Variants in PAK1 observed in about 807,000 individuals in gnomAD.
The protein encoded by PAK1 is serine/threonine-protein kinase PAK 1.
PAK1 carries 29 observed loss-of-function variants against 67.4 expected under a neutral mutation model. The observed-to-expected ratio is 0.43, with a 90% CI of 0.32 to 0.59. PAK1 has a LOEUF of 0.59. Among genes scored for constraint, PAK1 ranks in the 20% least tolerant of loss-of-function variants. PAK1 has a pLI of 0.07. For missense variants in PAK1, 337 were observed against 670.7 expected (o/e 0.50, Z 5.50); for synonymous variants, 223 against 237.4 (o/e 0.94, Z 0.56).
chr11:77,367,088 A>G (rs1947695829), intron 5 of PAK1, among the ~76,000 whole-genome samples: 1 of 152,240 alleles, frequency 6.6e-6, no homozygotes, highest in Non-Finnish European at 1.5e-5. Context: ...GCAAAACACA[A>G]AAGACTACAT....
chr11:77,463,930 C>G (rs1318091303), intron 1 of PAK1, among the ~76,000 whole-genome samples: 1 of 152,106 alleles, frequency 6.6e-6, no homozygotes, highest in Non-Finnish European at 1.5e-5. Flanking sequence ...TATGTAATCT[C>G]AAATTTTCTA....
chr11:77,429,987 A>C (rs976549755), intron 1 of PAK1, among the ~76,000 whole-genome samples: 1 of 152,232 alleles, frequency 6.6e-6, no homozygotes. Flanking sequence ...TTTTAATAAA[A>C]ACAAAACAGA....
chr11:77,474,401 G>A (rs976936945), upstream of PAK1: 2 of 152,202 alleles, frequency 1.3e-5, no homozygotes, highest in African/African-American at 4.8e-5. Context: ...CGCTTGCTGC[G>A]TGACGTCATC....
At chr11:77,518,761 C>A in the PAK1 span, among the ~76,000 whole-genome samples, 1 of 152,170 alleles carries the variant, frequency 6.6e-6, no homozygotes, top group Non-Finnish European at 1.5e-5. Flanking sequence ...TTTGCAGTAA[C>A]TTTTCCCATT....
At chr11:77,519,628 G>GT in the PAK1 span, among the ~76,000 whole-genome samples, 11 of 152,024 alleles carry the variant, frequency 7.2e-5, no homozygotes, top group Non-Finnish European at 8.8e-5. Flanking sequence ...CAAAATGCTG[G>GT]TTTTTTTTTC....
At chr11:77,477,743 A>C (rs1958075059), upstream of PAK1, among the ~76,000 whole-genome samples, 2 of 151,894 alleles carry the variant, frequency 1.3e-5, no homozygotes, top group African/African-American at 4.8e-5. Flanking sequence ...CGACAGAGTG[A>C]GACCTTGTTT....
chr11:77,455,839 AC>A (rs2135435330), intron 1 of PAK1: 1 of 152,216 alleles, frequency 6.6e-6, no homozygotes, highest in East Asian at 1.9e-4. Flanking sequence ...GTTATCCACT[AC>A]CTCCATGAAG....
chr11:77,406,315 C>G (rs143449040), intron 1 of PAK1, among the ~76,000 whole-genome samples: 1 of 152,188 alleles, frequency 6.6e-6, no homozygotes, highest in East Asian at 1.9e-4. Flanking sequence ...CAAGACCAAA[C>G]GGAACTCTTG....
intron 1 of PAK1, among the ~76,000 whole-genome samples, chr11:77,413,865 G>C (rs1389202748): frequency 6.6e-6 from 1 of 152,092 alleles, no homozygotes; most frequent in Non-Finnish European, 1.5e-5. Flanking sequence ...TTTACACAGG[G>C]TGAATGAGAG....
intron 9 of PAK1, among the ~76,000 whole-genome samples, chr11:77,346,360 C>T (rs1284358097): frequency 2.0e-5 from 3 of 152,190 alleles, no homozygotes; most frequent in African/African-American, 4.8e-5. Context: ...GATAGCATTC[C>T]TGTAACAGAA....
Position 77,323,208 on chromosome 11 carries a change from G to A in PAK1, c.*66C>T, listed in dbSNP as rs1938789491. 3 of 1,608,354 alleles carry A rather than the reference G, an allele frequency of 1.9e-6. No homozygotes were observed. The highest frequency in any genetic ancestry group is 2.5e-6 in the Non-Finnish European group (3 of 1,177,036). ...AAGGAGAAGAGGGCATCAGGAGTTG[G>A]AATTTCTGAAATGTGCATTTATCTC... On this transcript the variant is annotated 3_prime_UTR_variant, in exon 15 of 15. Coordinates refer to ENST00000356341, the MANE Select transcript of PAK1 (RefSeq NM_002576.5).
In PAK1 at chr11:77,435,657, CTT is replaced by C. The variant is rs35603502; in HGVS notation, c.-22+37893_-22+37894del. ...TACAGGCGCCCGCCACTACACCTGG[CTT>C]TTTTTTTTTTTTTTTTTTTTTTGTA... On this transcript the variant is annotated intron_variant, in intron 1 of 14. Coordinates refer to ENST00000356341, the MANE Select transcript of PAK1 (RefSeq NM_002576.5). Among the ~76,000 whole-genome samples, 14 of 68,596 alleles carry C rather than the reference CTT, an allele frequency of 2.0e-4. No individual in the cohort carries two copies. The East Asian group carries it at 2.8e-3, about 14-fold the overall frequency. The allele number at this position is 68,596 out of a possible 152,430, so 45.0% of individuals were successfully genotyped here.
At chr11:77,428,330 G>A (rs958351159) in intron 1 of PAK1, among the ~76,000 whole-genome samples, 17 of 152,134 alleles carry the variant, frequency 1.1e-4, no homozygotes, top group Admixed American at 8.5e-4. Context: ...TTGGGAGACC[G>A]AGGCGGGCAG....
At chr11:77,450,038 G>C (rs2135388954) in intron 1 of PAK1, among the ~76,000 whole-genome samples, 1 of 152,178 alleles carries the variant, frequency 6.6e-6, no homozygotes, top group South Asian at 2.1e-4. Flanking sequence ...CTAAACTTCA[G>C]ACTCCTTTTC....
At chr11:77,393,217 C>T (rs1198778460) in intron 1 of PAK1, among the ~76,000 whole-genome samples, 2 of 151,550 alleles carry the variant, frequency 1.3e-5, no homozygotes, top group Non-Finnish European at 2.9e-5. Flanking sequence ...GTTTGCTAAC[C>T]CCTGAGACTA....
chr11:77,514,016 G>A, the PAK1 span, among the ~76,000 whole-genome samples: 1 of 152,120 alleles, frequency 6.6e-6, no homozygotes, highest in East Asian at 1.9e-4. Context: ...GGAATGATAA[G>A]AGTCATTATA....
intron 14 of PAK1, 72 bp from the exon 15 acceptor site, chr11:77,323,432 A>G: frequency 9.9e-7 from 1 of 1,014,422 alleles, no homozygotes; most frequent in East Asian, 2.4e-5. Context: ...TACAAGACAT[A>G]AAGGCATCTT....
chr11:77,402,353 G>A (rs913704649), intron 1 of PAK1, among the ~76,000 whole-genome samples: 41 of 151,992 alleles, frequency 2.7e-4, no homozygotes, highest in Admixed American at 1.0e-3. Context: ...ACCCCCATCC[G>A]CACCTACGCA....
At chr11:77,481,739 C>T in the PAK1 span, among the ~76,000 whole-genome samples, 1 of 150,242 alleles carries the variant, frequency 6.7e-6, no homozygotes, top group African/African-American at 2.5e-5. Flanking sequence ...TATTTTTATG[C>T]AATGATAGTT....
Sources: gnomAD v4.1 joint callset for allele counts (sites outside exome capture counted in the v4.1 genomes callset) on GRCh38, gnomAD v4.1.1 for gene constraint, MANE v1.5 for transcripts, NCBI Gene and HGNC (gene_info 2026-07-23, HGNC 2026-07-21) for gene names.